Variants in TRERF1 observed in about 807,000 individuals in gnomAD.
The protein encoded by TRERF1 is transcriptional regulating factor 1.
TRERF1 carries 27 observed loss-of-function variants against 122.9 expected under a neutral mutation model. The observed-to-expected ratio is 0.22, with a 90% CI of 0.16 to 0.30. TRERF1 has a LOEUF of 0.30. TRERF1 is among the 10% of genes least tolerant of loss of function. TRERF1 has a pLI of 1.00. For synonymous variants in TRERF1, 636 were observed against 641.7 expected (o/e 0.99, Z 0.13); for missense variants, 1,248 against 1,560.3 (o/e 0.80, Z 3.37).
intron 2 of TRERF1, among the ~76,000 whole-genome samples, chr6:42,446,529 C>CCT (rs1787549003): frequency 6.6e-6 from 1 of 152,172 alleles, no homozygotes. Flanking sequence ...TACATGTCTG[C>CCT]CTCTGGACTG....
intron 3 of TRERF1, among the ~76,000 whole-genome samples, chr6:42,323,767 G>A (rs1468095219): frequency 2.6e-5 from 4 of 152,174 alleles, no homozygotes; most frequent in Non-Finnish European, 2.9e-5. Flanking sequence ...GGTTGGCCCC[G>A]AAGGTTGAGT....
chr6:42,376,519 T>A (rs1288381329), intron 2 of TRERF1, among the ~76,000 whole-genome samples: 1 of 149,882 alleles, frequency 6.7e-6, no homozygotes, highest in Admixed American at 6.6e-5. Context: ...GAAACCTTCA[T>A]GACTTTTCGT....
intron 8 of TRERF1, among the ~76,000 whole-genome samples, chr6:42,260,148 G>A (rs2149790929): frequency 6.6e-6 from 1 of 152,174 alleles, no homozygotes; most frequent in South Asian, 2.1e-4. Context: ...TCTCTTCAGG[G>A]AAGCTGGGAC....
At chr6:42,414,056 T>C (rs537227623) in intron 2 of TRERF1, among the ~76,000 whole-genome samples, 2 of 152,322 alleles carry the variant, frequency 1.3e-5, no homozygotes, top group South Asian at 4.1e-4. Context: ...AGGAATTTTA[T>C]GTGCAATCTT....
At chr6:42,351,040 G>T (rs1195269597) in intron 3 of TRERF1, among the ~76,000 whole-genome samples, 1 of 151,922 alleles carries the variant, frequency 6.6e-6, no homozygotes, top group African/African-American at 2.4e-5. Context: ...ATGGCCTCAT[G>T]AAAAATGTTC....
chr6:42,241,258 T>C lies in TRERF1; in HGVS notation c.2859+1990A>G, dbSNP rs2149577201. On this transcript the variant is annotated intron_variant, in intron 15 of 17. Transcript: ENST00000372922. ...CTGATATCATACATCACTACTTAAA[T>C]GAGTCAAACAAAAGCCCTGGTCACA... Among the ~76,000 whole-genome samples the C allele has an allele frequency of 1.3e-5, 2 of 152,284 alleles. 1 individual carries two copies. Among genetic ancestry groups the C allele is most frequent in the Middle Eastern group, 6.8e-3 (2 of 294 alleles).
In TRERF1 at chr6:42,269,050, G is replaced by A; in HGVS notation, c.541C>T (p.Leu181Phe). 3 of 1,614,178 alleles carry A rather than the reference G, an allele frequency of 1.9e-6. No homozygotes were observed. Among genetic ancestry groups the A allele is most frequent in the Non-Finnish European group, 2.5e-6 (3 of 1,180,030 alleles). ...GGCTTCTGAGACAGCAGCTGGCGGA[G>A]AGCACTGTCAGGGGCTCCATCCATC... is the stretch of plus-strand genomic sequence containing the variant. The change falls in exon 5 of 18, where the codon CTC (leucine) becomes TTC (phenylalanine). Residue 181 changes from leucine (L) to phenylalanine (F), a missense_variant. This residue lies in a region of TRERF1 where 946 missense variants were observed against 1,073.0 expected (regional missense o/e 0.88). Coordinates refer to ENST00000372922, the Ensembl canonical transcript of TRERF1. The surrounding 1 kb of genome is among the most constrained non-coding windows in gnomAD (Gnocchi z 4.9).
intron 3 of TRERF1, among the ~76,000 whole-genome samples, chr6:42,360,868 G>A (rs1771628935): frequency 6.8e-6 from 1 of 147,812 alleles, no homozygotes; most frequent in Admixed American, 6.8e-5. Flanking sequence ...CCCTATCCCT[G>A]CACATGGCAG....
intron 3 of TRERF1, among the ~76,000 whole-genome samples, chr6:42,336,961 A>T (rs1343360661): frequency 1.3e-5 from 2 of 152,198 alleles, no homozygotes; most frequent in Admixed American, 1.3e-4. Flanking sequence ...GGCTCTAGCA[A>T]GCGCCAGAGA....
Position 42,233,512 on chromosome 6 carries a change from C to G in TRERF1, c.3067-620G>C, listed in dbSNP as rs552873855. Among the ~76,000 whole-genome samples, 60 of 152,230 alleles carry G rather than the reference C, an allele frequency of 3.9e-4. 1 individual carries two copies. Among genetic ancestry groups the G allele is most frequent in the South Asian group, 2.3e-3 (11 of 4,822 alleles). On this transcript the variant is annotated intron_variant, in intron 16 of 17. Transcript: ENST00000372922. ...GTGTTAGCCAGGATGGTCTCGATCT[C>G]CTGACCTTGTGATCTGCCCGCCTTG...
intron 2 of TRERF1, among the ~76,000 whole-genome samples, chr6:42,423,255 C>T (rs1340732432): frequency 6.6e-6 from 1 of 152,260 alleles, no homozygotes; most frequent in African/African-American, 2.4e-5. Flanking sequence ...CTCATACAAA[C>T]ATGTTCCTTC....
intron 15 of TRERF1, among the ~76,000 whole-genome samples, chr6:42,241,709 A>C (rs1773755354): frequency 6.6e-6 from 1 of 152,076 alleles, no homozygotes; most frequent in African/African-American, 2.4e-5. Flanking sequence ...TGATCTGCCC[A>C]CCTTGGCCTC....
chr6:42,423,504 C>T (rs1783119586), intron 2 of TRERF1, among the ~76,000 whole-genome samples: 1 of 152,134 alleles, frequency 6.6e-6, no homozygotes, highest in South Asian at 2.1e-4. Context: ...GAATCACACA[C>T]CTGGCTGCAA....
At chr6:42,436,814 A>AATATATATATATAT (rs56057543) in intron 2 of TRERF1, among the ~76,000 whole-genome samples, 26 of 66,684 alleles carry the variant, frequency 3.9e-4, no homozygotes, top group Non-Finnish European at 5.8e-4. Flanking sequence ...AAAAAAAAAA[A>AATATATATATATAT]ATATATATAT....
At chr6:42,401,451 G>A (rs1728380021) in intron 2 of TRERF1, among the ~76,000 whole-genome samples, 1 of 152,120 alleles carries the variant, frequency 6.6e-6, no homozygotes, top group Non-Finnish European at 1.5e-5. Context: ...ACCCAATTCA[G>A]GAAAATTGTT....
intron 2 of TRERF1, among the ~76,000 whole-genome samples, chr6:42,382,614 G>A (rs1225945433): frequency 6.6e-6 from 1 of 152,054 alleles, no homozygotes; most frequent in Non-Finnish European, 1.5e-5. Context: ...AAGTTTTTCT[G>A]AATGCAAATC....
intron 4 of TRERF1, among the ~76,000 whole-genome samples, chr6:42,291,366 G>A (rs1039922747): frequency 6.6e-6 from 1 of 151,702 alleles, no homozygotes; most frequent in Admixed American, 6.6e-5. Flanking sequence ...CCATGAATCT[G>A]GCTGTCAGCT....
chr6:42,376,476 C>A lies in TRERF1; in HGVS notation c.-453-13397G>T, dbSNP rs549845121. Among the ~76,000 whole-genome samples the A allele has an allele frequency of 7.2e-5, 11 of 151,758 alleles. No homozygotes were observed. In the South Asian group the frequency reaches 1.9e-3, roughly 26 times the overall value. On this transcript the variant is annotated intron_variant, in intron 2 of 17. Coordinates refer to ENST00000372922, the Ensembl canonical transcript of TRERF1. ...AGGCTGCTCCTGTGCTGAATCAACA[C>A]CCAGAAGGGCAGAGGGGAGAGGGTT...
At chr6:42,340,910 G>A (rs373977591) in intron 3 of TRERF1, among the ~76,000 whole-genome samples, 8 of 152,160 alleles carry the variant, frequency 5.3e-5, no homozygotes, top group African/African-American at 1.9e-4. Context: ...GGATTTTAAG[G>A]GGTGATCTTC....
Sources: allele counts gnomAD v4.1 joint callset (sites outside exome capture counted in the v4.1 genomes callset), GRCh38; gene constraint gnomAD v4.1.1; regional missense constraint gnomAD v4.1.1; non-coding constraint Gnocchi (gnomAD v3.1); transcripts MANE v1.5; gene names NCBI Gene and HGNC (gene_info 2026-07-23, HGNC 2026-07-21).